NALCN: variants seen among roughly 807,000 people sequenced by gnomAD.
NALCN encodes sodium leak channel NALCN.
A neutral mutation model predicts 225.3 loss-of-function variants in NALCN; 111 were observed. The observed-to-expected ratio is 0.49, with a 90% CI of 0.42 to 0.58. The LOEUF is 0.58. Among genes scored for constraint, NALCN ranks in the 20% least tolerant of loss-of-function variants. The probability of loss-of-function intolerance (pLI) is 0.00; values close to 1 mark genes in which losing one functional copy is unlikely to be tolerated. For missense variants in NALCN, 1,378 were observed against 2,202.4 expected (o/e 0.63, Z 7.49); for synonymous variants, 764 against 769.0 (o/e 0.99, Z 0.11).
chr13:101,265,842 C>T (rs1163345002), intron 10 of NALCN, among the ~76,000 whole-genome samples: 1 of 152,114 alleles, frequency 6.6e-6, no homozygotes. Flanking sequence ...CAAAATTCAT[C>T]AGTCAACATT....
chr13:101,365,431 A>C (rs74546762), intron 6 of NALCN, among the ~76,000 whole-genome samples: 4,901 of 152,220 alleles, frequency 0.032, 269 homozygotes, highest in African/African-American at 0.11. Context: ...TTATTTTGTC[A>C]ACAAAATTTA....
chr13:101,068,978 C>A, intron 37 of NALCN, 151 bp from the exon 38 acceptor site: 1 of 726,202 alleles, frequency 1.4e-6, no homozygotes, highest in Non-Finnish European at 2.0e-6. Flanking sequence ...TTGGGTACAT[C>A]ATCTGTAGCA....
intron 35 of NALCN, among the ~76,000 whole-genome samples, chr13:101,075,353 G>GCCT (rs2033182524): frequency 1.3e-5 from 2 of 151,062 alleles, no homozygotes; most frequent in South Asian, 4.2e-4. Flanking sequence ...TACTCGGGAG[G>GCCT]CTGAGGCAGG....
intron 10 of NALCN, among the ~76,000 whole-genome samples, chr13:101,260,000 C>G (rs930574253): frequency 6.6e-6 from 1 of 151,484 alleles, no homozygotes; most frequent in Non-Finnish European, 1.5e-5. Flanking sequence ...TTCCCATTAA[C>G]CATCCCTGCC....
chr13:101,386,163 A>G (rs780859646), intron 3 of NALCN, among the ~76,000 whole-genome samples: 1 of 152,222 alleles, frequency 6.6e-6, no homozygotes, highest in Non-Finnish European at 1.5e-5. Context: ...TTGCAGAAAT[A>G]TGCAGGTTGA....
intron 7 of NALCN, among the ~76,000 whole-genome samples, chr13:101,323,909 A>G (rs1481268467): frequency 1.3e-5 from 2 of 152,140 alleles, no homozygotes; most frequent in African/African-American, 4.8e-5. Context: ...TTCTTCTGCC[A>G]TTTTGTTGTA....
chr13:101,114,516 G>T (rs1293528567), intron 18 of NALCN, among the ~76,000 whole-genome samples: 1 of 151,896 alleles, frequency 6.6e-6, no homozygotes, highest in Non-Finnish European at 1.5e-5. Flanking sequence ...ATTGTGAGGT[G>T]CTCTACGGAG....
At chr13:101,137,309 T>C (rs999378398) in intron 17 of NALCN, among the ~76,000 whole-genome samples, 32 of 151,992 alleles carry the variant, frequency 2.1e-4, no homozygotes, top group African/African-American at 6.8e-4. Context: ...AAAAAAAAAA[T>C]TCTTTCAAAA....
At chr13:101,282,986 C>T (rs919283548) in intron 10 of NALCN, among the ~76,000 whole-genome samples, 20 of 152,096 alleles carry the variant, frequency 1.3e-4, no homozygotes, top group Admixed American at 7.9e-4. Context: ...TCTCATCCCA[C>T]GGCAGATGTG....
intron 13 of NALCN, among the ~76,000 whole-genome samples, chr13:101,217,972 T>A (rs144269548): frequency 1.5e-4 from 23 of 152,258 alleles, no homozygotes; most frequent in Middle Eastern, 3.4e-3. Flanking sequence ...AGAGAAATCT[T>A]GTCCAGGTTT....
chr13:101,298,978 A>T (rs2043853849), intron 7 of NALCN, among the ~76,000 whole-genome samples: 1 of 152,254 alleles, frequency 6.6e-6, no homozygotes, highest in African/African-American at 2.4e-5. Flanking sequence ...AGTATTTTTG[A>T]AATGAATTGA....
intron 1 of NALCN, among the ~76,000 whole-genome samples, chr13:101,413,186 G>A (rs1455983940): frequency 1.3e-5 from 2 of 152,034 alleles, no homozygotes; most frequent in African/African-American, 2.4e-5. Flanking sequence ...TCAATTTAAA[G>A]ACATACAATA....
intron 13 of NALCN, among the ~76,000 whole-genome samples, chr13:101,224,641 C>T (rs2041067921): frequency 6.6e-6 from 1 of 152,120 alleles, no homozygotes; most frequent in Non-Finnish European, 1.5e-5. Flanking sequence ...GGAAATATAA[C>T]CCTAACTTAT....
Position 101,104,962 on chromosome 13 carries a change from C to T in NALCN, c.2580-12G>A, listed in dbSNP as rs775073645. The T allele has an allele frequency of 1.9e-6, 3 of 1,611,362 alleles. No homozygotes were observed. Among genetic ancestry groups the T allele is most frequent in the South Asian group, 1.1e-5 (1 of 90,890 alleles). On this transcript the variant is annotated splice_polypyrimidine_tract_variant and intron_variant, in intron 22 of 43. Coordinates refer to ENST00000251127, the MANE Select transcript of NALCN (RefSeq NM_052867.4). This position sits in a 1 kb window ranked among gnomAD's most constrained non-coding sequence, Gnocchi z 4.2. ...GGTCTGTTTTAGATCTGTAAGAGAA[C>T]ACATATATAAAATTCTGCAACAAAG...
At chr13:101,208,657 C>T (rs188725114) in intron 13 of NALCN, among the ~76,000 whole-genome samples, 139 of 152,298 alleles carry the variant, frequency 9.1e-4, no homozygotes, top group Middle Eastern at 3.4e-3. Flanking sequence ...GTTTAGGTCA[C>T]GGGGCAGCTG....
chr13:101,059,880 C>T lies in NALCN; in HGVS notation c.4843G>A (p.Glu1615Lys), dbSNP rs756729162. ...LSRFLNPPSI[E>K]TTQPSEDTNA... ...GTGTCCTCACTGGGCTGGGTGGTCT[C>T]GATGCTGGGCGGGTTCAGAAACCGG... The change falls in exon 42 of 44, where the codon GAG (glutamate) becomes AAG (lysine). Residue 1615 changes from glutamate (E) to lysine (K), a missense_variant. Coordinates refer to ENST00000251127, the MANE Select transcript of NALCN (RefSeq NM_052867.4). The T allele has an allele frequency of 5.0e-6, 8 of 1,613,976 alleles. No homozygotes were observed. The Admixed American group carries it at 5.0e-5, about 10-fold the overall frequency.
chr13:101,275,300 G>A (rs2140265857), intron 10 of NALCN, among the ~76,000 whole-genome samples: 1 of 152,286 alleles, frequency 6.6e-6, no homozygotes, highest in African/African-American at 2.4e-5. Context: ...CAGTGTTCAA[G>A]GTGAGAAAAC....
intron 28 of NALCN, among the ~76,000 whole-genome samples, chr13:101,090,515 G>A (rs2034176309): frequency 6.6e-6 from 1 of 152,166 alleles, no homozygotes; most frequent in African/African-American, 2.4e-5. Context: ...GGAAAGTAGT[G>A]ATGCATTTAG....
chr13:101,217,479 T>C (rs2040781166), intron 13 of NALCN, among the ~76,000 whole-genome samples: 1 of 152,204 alleles, frequency 6.6e-6, no homozygotes, highest in African/African-American at 2.4e-5. Context: ...TATTAAATTC[T>C]ATCAATATAG....
Sources: allele counts gnomAD v4.1 joint callset (sites outside exome capture counted in the v4.1 genomes callset), GRCh38; gene constraint gnomAD v4.1.1; non-coding constraint Gnocchi (gnomAD v3.1); transcripts MANE v1.5; gene names NCBI Gene and HGNC (gene_info 2026-07-23, HGNC 2026-07-21).